Variants in MRPS6 observed in about 807,000 individuals in gnomAD.
MRPS6 encodes mitochondrial ribosomal protein S6, also known as small ribosomal subunit protein bS6m.
In MRPS6, 6 loss-of-function variants were observed where a neutral mutation model predicts 13.1. The ratio of observed to expected loss-of-function variants is 0.46; its 90% CI spans 0.25 to 0.91. The LOEUF is 0.91. Ranked by LOEUF, MRPS6 falls within the 40% of genes least tolerant of loss-of-function variation. The pLI, the probability that MRPS6 is intolerant of heterozygous loss-of-function variation, is 0.18. For missense variants in MRPS6, 164 were observed against 155.6 expected (o/e 1.05, Z -0.29); for synonymous variants, 61 against 56.5 (o/e 1.08, Z -0.36).
At chr21:34,121,109 C>A (rs1342890242) in intron 1 of MRPS6, among the ~76,000 whole-genome samples, 3 of 152,092 alleles carry the variant, frequency 2.0e-5, no homozygotes, top group African/African-American at 7.2e-5. Flanking sequence ...AGCTTACATT[C>A]TGGTTAGTGA....
At chr21:34,074,637 G>C (rs1989280713) in intron 1 of MRPS6, among the ~76,000 whole-genome samples, 1 of 152,178 alleles carries the variant, frequency 6.6e-6, no homozygotes, top group East Asian at 1.9e-4. Flanking sequence ...CCATTCTCCC[G>C]TGAATTCGGA....
chr21:34,113,462 A>G (rs1413427201), intron 1 of MRPS6, among the ~76,000 whole-genome samples: 2 of 152,222 alleles, frequency 1.3e-5, no homozygotes, highest in African/African-American at 2.4e-5. Flanking sequence ...TAAGCCAGAC[A>G]CAGAAAGACA....
At chr21:34,102,276 T>C (rs951477089) in intron 1 of MRPS6, 38 of 999,696 alleles carry the variant, frequency 3.8e-5, no homozygotes, top group Non-Finnish European at 4.5e-5. Context: ...AGTAGTCATA[T>C]AAATGTTTTT....
In MRPS6 at chr21:34,096,281, G is replaced by T. The variant is rs1335752219; in HGVS notation, c.45+22536G>T. ...GCCTGGTGATGAAGCTGGTTCCTGT[G>T]GGCCTTCGGGGTTTAATGATGGCAG... is the stretch of plus-strand genomic sequence containing the variant. On this transcript the variant is annotated intron_variant, in intron 1 of 2. Coordinates refer to ENST00000399312, the MANE Select transcript of MRPS6 (RefSeq NM_032476.4). The surrounding 1 kb of genome is among the most constrained non-coding windows in gnomAD (Gnocchi z 5.9). 6.2e-7 allele frequency: 1 copy of T among 1,613,998 alleles called. No homozygotes were observed. The highest frequency in any genetic ancestry group is 1.3e-5 in the African/African-American group (1 of 74,908).
At chr21:34,116,176 TTTTGTGTG>T (rs1403273392) in intron 1 of MRPS6, among the ~76,000 whole-genome samples, 5 of 81,262 alleles carry the variant, frequency 6.2e-5, no homozygotes, top group African/African-American at 1.7e-4. Context: ...GCCCAGCTAA[TTTTGTGTG>T]TGTGTGTGTG....
At chr21:34,122,474 T>A (rs1013428876) in intron 1 of MRPS6, 4 of 152,194 alleles carry the variant, frequency 2.6e-5, no homozygotes, top group South Asian at 4.1e-4. Context: ...ATTTTTTTTT[T>A]TATATTTTCC....
At chr21:34,117,931 T>A (rs1056125881) in intron 1 of MRPS6, among the ~76,000 whole-genome samples, 4 of 152,176 alleles carry the variant, frequency 2.6e-5, no homozygotes, top group Non-Finnish European at 5.9e-5. Flanking sequence ...TATTCACGAG[T>A]GCTTTTTAGT....
rs554273323 is a variant in MRPS6 at position 34,132,366 on chromosome 21, G to T, written c.185+6886G>T. Among the ~76,000 whole-genome samples the T allele has an allele frequency of 6.6e-5, 10 of 152,340 alleles. 1 individual carries two copies. In the Middle Eastern group the frequency reaches 0.02, roughly 311 times the overall value. On this transcript the variant is annotated intron_variant, in intron 2 of 2. Transcript: ENST00000399312. ...GTCTTTGCCCACATCAGCCCCGGGC[G>T]CATAGCAGCAGGACGACAAGCATGA...
chr21:34,142,368 A>G (rs766345496), intron 2 of MRPS6, 40 bp from the exon 3 acceptor site: 9 of 1,536,522 alleles, frequency 5.9e-6, no homozygotes, highest in Non-Finnish European at 7.8e-6. Context: ...AATTATTACA[A>G]TTCAAATGCA....
rs546676555 is a variant in MRPS6, at chr21:34,104,112, T to G, written c.46-21229T>G. ...TTTGTGTACGTTTGTATGTGAGAGA[T>G]GAAGTTACCTTTATTTTTTTCCTAT... On this transcript the variant is annotated intron_variant, in intron 1 of 2. Coordinates refer to ENST00000399312, the MANE Select transcript of MRPS6 (RefSeq NM_032476.4). 11 of 999,884 alleles carry G rather than the reference T, an allele frequency of 1.1e-5. No homozygotes were observed. The African/African-American group carries it at 1.7e-4, about 16-fold the overall frequency. The allele number at this position is 999,884 out of a possible 1,614,324, so 61.9% of individuals were successfully genotyped here.
intron 2 of MRPS6, among the ~76,000 whole-genome samples, chr21:34,133,294 T>C (rs1489702896): frequency 6.6e-6 from 1 of 152,208 alleles, no homozygotes; most frequent in Non-Finnish European, 1.5e-5. Flanking sequence ...CCAAAAGCTT[T>C]GGGTGTATTT....
chr21:34,136,003 C>T (rs939494744), intron 2 of MRPS6: 13 of 291,286 alleles, frequency 4.5e-5, no homozygotes, highest in Admixed American at 4.8e-5. Context: ...ATCTGCACAG[C>T]GTCCACTTCC....
At chr21:34,108,746 G>A (rs16991224) in intron 1 of MRPS6, among the ~76,000 whole-genome samples, 1,755 of 152,254 alleles carry the variant, frequency 0.012, 38 homozygotes, top group South Asian at 0.081. Context: ...GTAGAATTCT[G>A]GGTTAGAAAG....
At chr21:34,081,050 G>A (rs190998766) in intron 1 of MRPS6, among the ~76,000 whole-genome samples, 1 of 152,224 alleles carries the variant, frequency 6.6e-6, no homozygotes, top group East Asian at 1.9e-4. Flanking sequence ...GGATTCTTTG[G>A]GAAGACTTGA....
chr21:34,115,071 C>T (rs1319405019), intron 1 of MRPS6, among the ~76,000 whole-genome samples: 1 of 152,174 alleles, frequency 6.6e-6, no homozygotes, highest in Non-Finnish European at 1.5e-5. Context: ...CTGCTTTTTA[C>T]GTTTGCAAAT....
At chr21:34,141,637 C>CT (rs960935352) in intron 2 of MRPS6, among the ~76,000 whole-genome samples, 1 of 152,118 alleles carries the variant, frequency 6.6e-6, no homozygotes, top group African/African-American at 2.4e-5. Context: ...GAAAACTGAC[C>CT]TTTAGTCACA....
chr21:34,102,442 A>G, intron 1 of MRPS6: 1 of 1,000,084 alleles, frequency 1.0e-6, no homozygotes, highest in South Asian at 4.7e-5. Context: ...TGGGGTAAGC[A>G]CCTAATTTAT....
At chr21:34,085,783 T>C (rs1425436211) in intron 1 of MRPS6, among the ~76,000 whole-genome samples, 2 of 152,082 alleles carry the variant, frequency 1.3e-5, no homozygotes, top group African/African-American at 4.8e-5. Flanking sequence ...TTTGTAGTTT[T>C]AGTAGAGACG....
At position 34,097,149 on chromosome 21, in the gene MRPS6, G is replaced by A. The variant is rs539604957; in HGVS notation, c.45+23404G>A. ...AGAGAGAAAGAAAGAAACGGATGATGGAGGTCGGTACTGGAAGTTCATAGA... is the reference window on the plus strand; with the variant it reads ...AGAGAGAAAGAAAGAAACGGATGATAGAGGTCGGTACTGGAAGTTCATAGA... On this transcript the variant is annotated intron_variant, in intron 1 of 2. Transcript: ENST00000399312. The A allele has an allele frequency of 8.1e-6, 13 of 1,614,118 alleles. No individual in the cohort carries two copies. The South Asian group carries it at 1.3e-4, about 16-fold the overall frequency.
Sources: allele counts gnomAD v4.1 joint callset (sites outside exome capture counted in the v4.1 genomes callset), GRCh38; gene constraint gnomAD v4.1.1; non-coding constraint Gnocchi (gnomAD v3.1); transcripts MANE v1.5; gene names NCBI Gene and HGNC (gene_info 2026-07-23, HGNC 2026-07-21).